PLPPR4: variants seen among roughly 807,000 people sequenced by gnomAD.
The protein encoded by PLPPR4 is phospholipid phosphatase-related protein type 4.
Under a neutral mutation model 56.6 loss-of-function variants are expected in PLPPR4, and 24 were observed. The ratio of observed to expected loss-of-function variants is 0.42; its 90% CI spans 0.31 to 0.60. PLPPR4 has a LOEUF of 0.60. Ranked by LOEUF, PLPPR4 falls within the 20% of genes least tolerant of loss-of-function variation. The pLI, the probability that PLPPR4 is intolerant of heterozygous loss-of-function variation, is 0.13. For synonymous variants in PLPPR4, 326 were observed against 328.1 expected (o/e 0.99, Z 0.07); for missense variants, 654 against 885.8 (o/e 0.74, Z 3.32).
intron 3 of PLPPR4, among the ~76,000 whole-genome samples, chr1:99,297,113 C>T (rs1570921171): frequency 1.3e-5 from 2 of 152,140 alleles, no homozygotes; most frequent in South Asian, 4.2e-4. Context: ...TTTATTTTTG[C>T]CTTAGCTCTG....
At chr1:99,295,379 A>G (rs747265777) in intron 2 of PLPPR4, among the ~76,000 whole-genome samples, 15 of 152,202 alleles carry the variant, frequency 9.9e-5, no homozygotes, top group Non-Finnish European at 1.8e-4. Flanking sequence ...TTTAAAAAAA[A>G]CTATAATTTT....
At chr1:99,272,113 C>G (rs1659076131) in intron 1 of PLPPR4, among the ~76,000 whole-genome samples, 1 of 152,150 alleles carries the variant, frequency 6.6e-6, no homozygotes, top group African/African-American at 2.4e-5. Context: ...CATATGTATA[C>G]AGCATAGGCT....
At chr1:99,299,875 A>G (rs1659839663) in intron 4 of PLPPR4, among the ~76,000 whole-genome samples, 1 of 152,034 alleles carries the variant, frequency 6.6e-6, no homozygotes, top group South Asian at 2.1e-4. Flanking sequence ...ATAAACTTAC[A>G]TGACAAGAGA....
At chr1:99,305,633 C>G in intron 6 of PLPPR4, 52 bp from the exon 7 acceptor site, 1 of 1,562,182 alleles carries the variant, frequency 6.4e-7, no homozygotes, top group Non-Finnish European at 8.7e-7. Context: ...TAAGGAAACC[C>G]TAGTGACTGT....
intron 1 of PLPPR4, among the ~76,000 whole-genome samples, chr1:99,267,494 T>G (rs1658930857): frequency 6.6e-6 from 1 of 152,160 alleles, no homozygotes; most frequent in African/African-American, 2.4e-5. Context: ...AGAATTTACA[T>G]AATATAAATA....
At chr1:99,269,446 A>T (rs924607056) in intron 1 of PLPPR4, among the ~76,000 whole-genome samples, 21 of 152,370 alleles carry the variant, frequency 1.4e-4, no homozygotes, top group African/African-American at 4.3e-4. Flanking sequence ...GCCCAATATT[A>T]TATGTGATAA....
intron 3 of PLPPR4, among the ~76,000 whole-genome samples, chr1:99,298,036 G>T (rs1484411029): frequency 1.3e-5 from 2 of 152,170 alleles, no homozygotes; most frequent in Non-Finnish European, 1.5e-5. Context: ...TCTGTGTCAT[G>T]AATCCCAGGT....
At chr1:99,269,450 G>A (rs543025075) in intron 1 of PLPPR4, among the ~76,000 whole-genome samples, 87 of 152,346 alleles carry the variant, frequency 5.7e-4, no homozygotes, top group Non-Finnish European at 9.6e-4. Context: ...AATATTATAT[G>A]TGATAAGGCT....
At chr1:99,304,833 T>C (rs556492521) in intron 6 of PLPPR4, among the ~76,000 whole-genome samples, 4 of 152,292 alleles carry the variant, frequency 2.6e-5, no homozygotes, top group Admixed American at 6.5e-5. Context: ...TTATCTCTAA[T>C]ACCAAGTATC....
chr1:99,303,165 A>T (rs1659928472), intron 6 of PLPPR4, among the ~76,000 whole-genome samples: 1 of 152,022 alleles, frequency 6.6e-6, no homozygotes, highest in African/African-American at 2.4e-5. Context: ...TAAAGAAAGA[A>T]GGGAGGGCAT....
intron 3 of PLPPR4, among the ~76,000 whole-genome samples, chr1:99,297,504 T>G (rs1249252274): frequency 6.6e-6 from 1 of 152,192 alleles, no homozygotes; most frequent in East Asian, 1.9e-4. Context: ...TCTTTTATTT[T>G]TTTAATATAG....
chr1:99,263,235 C>T (rs1658805610), upstream of PLPPR4, among the ~76,000 whole-genome samples: 1 of 152,066 alleles, frequency 6.6e-6, no homozygotes, highest in African/African-American at 2.4e-5. Context: ...CTTTCAGTTG[C>T]TCTGGTAAGG....
chr1:99,296,691 T>A, intron 2 of PLPPR4, 47 bp from the exon 3 acceptor site: 5 of 1,483,062 alleles, frequency 3.4e-6, no homozygotes, highest in Non-Finnish European at 3.7e-6. Context: ...GTTGGCTTAA[T>A]AGGTATTCCA....
intron 1 of PLPPR4, 82 bp from the exon 2 acceptor site, chr1:99,287,880 GAGA>G (rs1659508901): frequency 1.0e-6 from 1 of 956,366 alleles, no homozygotes; most frequent in Non-Finnish European, 1.6e-6. Flanking sequence ...AGAGTAGCGA[GAGA>G]AGGAGAGAAA....
chr1:99,264,550 A>G lies in PLPPR4; in HGVS notation c.-44A>G, dbSNP rs1330233953. 3.2e-6 allele frequency: 5 copies of G among 1,551,122 alleles called. No individual in the cohort carries two copies. Among genetic ancestry groups the G allele is most frequent in the Non-Finnish European group, 4.4e-6 (5 of 1,147,296 alleles). On this transcript the variant is annotated 5_prime_UTR_variant, in exon 1 of 7. Coordinates refer to ENST00000370185, the MANE Select transcript of PLPPR4 (RefSeq NM_014839.5). ...GCAGCTCGCCTCAGCTGCGCTGTGC[A>G]CACCTCGCCCGGGGGAGGACGCAGA... is the stretch of plus-strand genomic sequence containing the variant.
chr1:99,264,754 C>A (rs1156702997), intron 1 of PLPPR4, 83 bp downstream of exon 1: 4 of 1,453,902 alleles, frequency 2.8e-6, no homozygotes, highest in African/African-American at 1.4e-5. Context: ...GTGTTGGAGG[C>A]GCAGAGATCC....
In PLPPR4 at chr1:99,296,721, C is replaced by G. The variant is rs141815997; in HGVS notation, c.265-17C>G. ...ATTCCAACATGCCTCTTCCTGAATA[C>G]CCTTCTATCTTTGCAGATTATGGTA... On this transcript the variant is annotated splice_polypyrimidine_tract_variant and intron_variant, in intron 2 of 6. Transcript: ENST00000370185. The G allele has an allele frequency of 6.4e-7, 1 of 1,574,220 alleles. No homozygotes were observed. The highest frequency in any genetic ancestry group is 1.4e-5 in the African/African-American group (1 of 74,072).
At chr1:99,283,795 C>CA (rs57499717) in intron 1 of PLPPR4, among the ~76,000 whole-genome samples, 1 of 151,776 alleles carries the variant, frequency 6.6e-6, no homozygotes, top group South Asian at 2.1e-4. Context: ...ACTAAAAATA[C>CA]AAAAAAATTA....
intron 1 of PLPPR4, among the ~76,000 whole-genome samples, chr1:99,272,871 C>T (rs1018163851): frequency 1.3e-5 from 2 of 151,888 alleles, no homozygotes; most frequent in East Asian, 3.9e-4. Flanking sequence ...TAAATATAAA[C>T]TCTATTTTAA....
Sources: gnomAD v4.1 joint callset for allele counts (sites outside exome capture counted in the v4.1 genomes callset) on GRCh38, gnomAD v4.1.1 for gene constraint, MANE v1.5 for transcripts, NCBI Gene and HGNC (gene_info 2026-07-23, HGNC 2026-07-21) for gene names.